Variants in KRT80 observed in about 807,000 individuals in gnomAD.
KRT80 encodes the protein keratin, type II cytoskeletal 80.
In KRT80, 36 loss-of-function variants were observed where a neutral mutation model predicts 51.5. The ratio of observed to expected loss-of-function variants is 0.70; its 90% confidence interval spans 0.54 to 0.92. The LOEUF is 0.92. KRT80 is among the 40% of genes least tolerant of loss of function. The probability of loss-of-function intolerance (pLI) is 0.00; values close to 1 mark genes in which losing one functional copy is unlikely to be tolerated. For missense variants in KRT80, 566 were observed against 591.7 expected, an observed-to-expected ratio of 0.96 and a Z score of 0.45; for synonymous variants, 235 against 248.3, an observed-to-expected ratio of 0.95 and a Z score of 0.50.
Position 52,171,201 on chromosome 12 carries a change from T to G in KRT80, c.*197A>C. On this transcript the variant is annotated 3_prime_UTR_variant, in exon 9 of 9. Coordinates refer to ENST00000394815, the MANE Select transcript of KRT80 (RefSeq NM_182507.3). ...TGTGAGATACTGATATGGAGCGGAG[T>G]GGCTCTGAGGAGCTGGTGATGCTCC... 1 of 567,110 alleles carries G rather than the reference T, an allele frequency of 1.8e-6. No homozygotes were observed. The highest frequency in any genetic ancestry group is 3.1e-6 in the Non-Finnish European group (1 of 322,564). 35.1% of individuals were successfully genotyped at this position (567,110 alleles called of 1,614,324 possible). A position where few individuals can be genotyped will look rare whatever the true frequency, so the allele number is the denominator to read the frequency against.
chr12:52,187,060 G>A (rs1471552740), intron 1 of KRT80, among the ~76,000 whole-genome samples: 1 of 152,216 alleles, frequency 6.6e-6, no homozygotes, highest in African/African-American at 2.4e-5. Context: ...ATCACACTGG[G>A]AGCCATCTGC....
intron 2 of KRT80, among the ~76,000 whole-genome samples, chr12:52,182,995 A>T (rs1159195131): frequency 4.6e-5 from 7 of 152,088 alleles, no homozygotes; most frequent in Admixed American, 4.6e-4. Flanking sequence ...TTGACCTGGT[A>T]CCCTGCATGG....
At chr12:52,187,520 G>C (rs1941424498) in intron 1 of KRT80, among the ~76,000 whole-genome samples, 1 of 152,116 alleles carries the variant, frequency 6.6e-6, no homozygotes, top group Non-Finnish European at 1.5e-5. Flanking sequence ...GCTTCTTCAG[G>C]GTGTCCTTGT....
At chr12:52,185,679 C>T in intron 1 of KRT80, 92 bp from the exon 2 acceptor site, 1 of 1,541,554 alleles carries the variant, frequency 6.5e-7, no homozygotes, top group Non-Finnish European at 8.7e-7. Context: ...CGGAGGGCTC[C>T]CTGGGAAGTG....
Position 52,185,589 on chromosome 12 carries a change from T to C in KRT80, c.301-2A>G. ...GTTGCGCTGTTCCAGGGCTTGCACC[T>C]GGGAGAGCAGGAAGGCGGCGAATGG... On this transcript the variant is annotated splice_acceptor_variant, in intron 1 of 8. Coordinates refer to ENST00000394815, the MANE Select transcript of KRT80 (RefSeq NM_182507.3). LOFTEE classifies it high-confidence loss of function. The C allele has an allele frequency of 6.2e-7, 1 of 1,606,424 alleles. No individual in the cohort carries two copies. The highest frequency in any genetic ancestry group is 8.5e-7 in the Non-Finnish European group (1 of 1,179,796).
chr12:52,175,004 G>C (rs1405576226), intron 4 of KRT80, among the ~76,000 whole-genome samples: 1 of 152,174 alleles, frequency 6.6e-6, no homozygotes, highest in Non-Finnish European at 1.5e-5. Context: ...CCAGGCAGGA[G>C]GTGGGTGTTG....
rs945297685 is a variant in KRT80 at position 52,173,843 on chromosome 12, C to T, written c.667-79G>A. ...CTCAGCCCCACACAGTCACTTTGTC[C>T]CCGGGGTGAGCGGAGAGTGGAGCTG... is the stretch of plus-strand genomic sequence containing the variant. On this transcript the variant is annotated intron_variant, in intron 4 of 8. Coordinates refer to ENST00000394815, the MANE Select transcript of KRT80 (RefSeq NM_182507.3). 4 of 1,447,878 alleles carry T rather than the reference C, an allele frequency of 2.8e-6. No individual in the cohort carries two copies. The Admixed American group carries it at 5.4e-5, about 20-fold the overall frequency. The allele number at this position is 1,447,878 out of a possible 1,614,324, so 89.7% of individuals were successfully genotyped here.
chr12:52,173,801 G>A (rs372276691), intron 4 of KRT80, 37 bp from the exon 5 acceptor site: 14 of 1,597,822 alleles, frequency 8.8e-6, no homozygotes, highest in Middle Eastern at 1.6e-4. Context: ...AGGGCTGGTG[G>A]GGAGGGCACA....
rs1406421852 is a variant in KRT80 at position 52,180,534 on chromosome 12, C to A, written c.645G>T (p.Leu215Phe). 2 of 1,471,896 alleles carry A rather than the reference C, an allele frequency of 1.4e-6. No homozygotes were observed. The highest frequency in any genetic ancestry group is 2.8e-5 in the African/African-American group (2 of 70,684). 91.2% of individuals were successfully genotyped at this position (1,471,896 alleles called of 1,614,324 possible). A position where few individuals can be genotyped will look rare whatever the true frequency, so the allele number is the denominator to read the frequency against. Residue 215 changes from leucine (L) to phenylalanine (F), a missense_variant, in exon 4 of 9, where the codon TTG becomes TTT. Leu to Phe is a conservative substitution (Grantham distance 22). Coordinates refer to ENST00000394815, the MANE Select transcript of KRT80 (RefSeq NM_182507.3). Reference protein sequence around the residue: ...KLKSLESFVELMKTIYEQELK... With the variant: ...KLKSLESFVEFMKTIYEQELK... Reference sequence around the variant, plus strand: ...TCACCTGCTCATAGATGGTTTTCATCAACTCCACGAAGCTCTCCAGGCTTT... The same window carrying A: ...TCACCTGCTCATAGATGGTTTTCATAAACTCCACGAAGCTCTCCAGGCTTT...
intron 5 of KRT80, 71 bp from the exon 6 acceptor site, chr12:52,173,234 T>C: frequency 6.9e-7 from 1 of 1,458,290 alleles, no homozygotes; most frequent in South Asian, 1.4e-5. Context: ...CCGCCTCTGC[T>C]TTTTCTTGCA....
At chr12:52,173,822 GC>G in intron 4 of KRT80, 58 bp from the exon 5 acceptor site, 1 of 1,533,464 alleles carries the variant, frequency 6.5e-7, no homozygotes, top group Non-Finnish European at 8.9e-7. Context: ...AGGACCCTCA[GC>G]CCCACACAGT....
chr12:52,174,742 G>C (rs542053120), intron 4 of KRT80, among the ~76,000 whole-genome samples: 1 of 152,218 alleles, frequency 6.6e-6, no homozygotes, highest in South Asian at 2.1e-4. Flanking sequence ...TGGAGACAAG[G>C]GGCTGACACC....
chr12:52,176,813 A>C (rs1833277651), intron 4 of KRT80, among the ~76,000 whole-genome samples: 1 of 152,244 alleles, frequency 6.6e-6, no homozygotes, highest in Non-Finnish European at 1.5e-5. Flanking sequence ...AACCCTGGTC[A>C]AGTTTTTAAA....
intron 2 of KRT80, among the ~76,000 whole-genome samples, chr12:52,184,663 G>T (rs1334219413): frequency 6.6e-6 from 1 of 152,194 alleles, no homozygotes; most frequent in Non-Finnish European, 1.5e-5. Flanking sequence ...AGGTCACAAA[G>T]CTAGTGATGG....
intron 2 of KRT80, 23 bp downstream of exon 2, chr12:52,185,356 G>A: frequency 6.3e-7 from 1 of 1,589,420 alleles, no homozygotes; most frequent in Non-Finnish European, 8.6e-7. Flanking sequence ...CCTTGCTCAT[G>A]GCTCTCATGG....
chr12:52,172,204 TC>T lies in KRT80; in HGVS notation c.1171del (p.Glu391ArgfsTer43), dbSNP rs1419424456. The T allele has an allele frequency of 6.2e-7, 1 of 1,613,462 alleles. No homozygotes were observed. Among genetic ancestry groups the T allele is most frequent in the East Asian group, 2.2e-5 (1 of 44,880 alleles). ...CACCAGCCCTGGCTCTCACCTGCCC[TC>T]CTCGCCCTCCACCAGCTTCCTGTAG... ...ATYRKLVEGEEGRMDSPSATV... is the reference protein window; with the variant it reads ...ATYRKLVEGEXGRMDSPSATV... On this transcript the variant is annotated frameshift_variant, in exon 7 of 9. Coordinates refer to ENST00000394815, the MANE Select transcript of KRT80 (RefSeq NM_182507.3). LOFTEE classifies it high-confidence loss of function.
chr12:52,175,041 G>T (rs1941196023), intron 4 of KRT80, among the ~76,000 whole-genome samples: 1 of 152,078 alleles, frequency 6.6e-6, no homozygotes, highest in Admixed American at 6.6e-5. Flanking sequence ...GCTCCTTCTG[G>T]CATTCAGAGT....
chr12:52,188,813 G>T (rs956383244), intron 1 of KRT80, among the ~76,000 whole-genome samples: 2 of 152,146 alleles, frequency 1.3e-5, no homozygotes. Context: ...CTGTGTGTGC[G>T]TGAAGGCAAG....
intron 1 of KRT80, chr12:52,185,832 AG>A: frequency 1.4e-6 from 1 of 731,606 alleles, no homozygotes; most frequent in Non-Finnish European, 2.1e-6. Context: ...AGGCGAGGGC[AG>A]GGCAGGGCTG....
Sources: gnomAD v4.1 joint callset for allele counts (sites outside exome capture counted in the v4.1 genomes callset) on GRCh38, gnomAD v4.1.1 for gene constraint, MANE v1.5 for transcripts, NCBI Gene and HGNC (gene_info 2026-07-23, HGNC 2026-07-21) for gene names.